CRTAC1: variants seen among roughly 807,000 people sequenced by gnomAD.
CRTAC1 encodes the protein cartilage acidic protein 1.
A neutral mutation model predicts 67.8 loss-of-function variants in CRTAC1; 37 were observed. The ratio of observed to expected loss-of-function variants is 0.55; its 90% CI spans 0.42 to 0.72. CRTAC1 has a LOEUF of 0.72. Among genes scored for constraint, CRTAC1 ranks in the 30% least tolerant of loss-of-function variants. The pLI is 0.00. For missense variants in CRTAC1, 780 were observed against 931.6 expected (o/e 0.84, Z 2.12); for synonymous variants, 348 against 371.0 (o/e 0.94, Z 0.71).
intron 4 of CRTAC1, among the ~76,000 whole-genome samples, chr10:97,922,157 A>C (rs1224112721): frequency 1.3e-5 from 2 of 152,032 alleles, no homozygotes; most frequent in Non-Finnish European, 2.9e-5. Flanking sequence ...GCTCCACCCC[A>C]CACTCTGGGG....
chr10:97,987,977 T>C (rs1156433408), intron 2 of CRTAC1, among the ~76,000 whole-genome samples: 3 of 152,178 alleles, frequency 2.0e-5, no homozygotes, highest in African/African-American at 7.2e-5. Flanking sequence ...TTCTCTCTGG[T>C]GGTCAGGCTG....
chr10:97,912,058 T>C (rs1387221875), intron 5 of CRTAC1, among the ~76,000 whole-genome samples: 4 of 152,116 alleles, frequency 2.6e-5, no homozygotes, highest in Non-Finnish European at 5.9e-5. Context: ...GACCTTGGGC[T>C]CATCACTGAA....
intron 2 of CRTAC1, among the ~76,000 whole-genome samples, chr10:97,958,223 C>A (rs2051471807): frequency 6.6e-6 from 1 of 152,184 alleles, no homozygotes; most frequent in South Asian, 2.1e-4. Context: ...GTGAAGGAAG[C>A]AGTTTAAAAA....
chr10:97,953,037 A>C (rs1315770945), intron 2 of CRTAC1, among the ~76,000 whole-genome samples: 1 of 151,950 alleles, frequency 6.6e-6, no homozygotes, highest in Non-Finnish European at 1.5e-5. Context: ...TGCCTCTGCC[A>C]CTCTAGCATC....
At chr10:97,912,908 G>T (rs922487599) in intron 5 of CRTAC1, among the ~76,000 whole-genome samples, 3 of 152,228 alleles carry the variant, frequency 2.0e-5, no homozygotes, top group African/African-American at 4.8e-5. Flanking sequence ...GTTGGGGGCT[G>T]ATTCCTGTGC....
At chr10:98,015,802 T>G (rs1232474279) in intron 1 of CRTAC1, among the ~76,000 whole-genome samples, 1 of 152,178 alleles carries the variant, frequency 6.6e-6, no homozygotes, top group Non-Finnish European at 1.5e-5. Flanking sequence ...AGCACAAGAT[T>G]CTATATTTCT....
intron 2 of CRTAC1, among the ~76,000 whole-genome samples, chr10:97,982,314 A>G (rs1407464647): frequency 1.3e-5 from 2 of 152,216 alleles, no homozygotes; most frequent in African/African-American, 4.8e-5. Context: ...CACAAAGTCA[A>G]ACAAGGTTGG....
intron 2 of CRTAC1, among the ~76,000 whole-genome samples, chr10:97,987,162 C>T (rs1002363626): frequency 7.9e-5 from 12 of 152,184 alleles, no homozygotes; most frequent in African/African-American, 2.9e-4. Flanking sequence ...GTTGTATATA[C>T]AGCCTTATGA....
chr10:97,977,033 C>G (rs2051816480), intron 2 of CRTAC1, among the ~76,000 whole-genome samples: 2 of 152,212 alleles, frequency 1.3e-5, no homozygotes, highest in African/African-American at 4.8e-5. Context: ...GCTGGACCTT[C>G]AAGATGTCAC....
intron 2 of CRTAC1, among the ~76,000 whole-genome samples, chr10:98,008,454 T>C (rs905215730): frequency 2.0e-5 from 3 of 151,528 alleles, no homozygotes; most frequent in African/African-American, 7.3e-5. Context: ...ACGGGTCTCC[T>C]GCAACAGCCA....
chr10:97,876,943 CT>C (rs2050154291), intron 14 of CRTAC1, among the ~76,000 whole-genome samples: 1 of 96,024 alleles, frequency 1.0e-5, no homozygotes, highest in Non-Finnish European at 2.0e-5. Context: ...TGAGGAGGCT[CT>C]GTTTTTTTTT....
chr10:97,901,433 C>G, intron 8 of CRTAC1, 70 bp downstream of exon 8: 1 of 1,599,832 alleles, frequency 6.3e-7, no homozygotes, highest in Non-Finnish European at 8.5e-7. Flanking sequence ...GATTCTTAAA[C>G]CTTCTCCCTG....
Position 97,909,805 on chromosome 10 carries a change from C to G in CRTAC1, c.716-1658G>C, listed in dbSNP as rs142167900. Among the ~76,000 whole-genome samples the G allele has an allele frequency of 4.7e-4, 72 of 152,186 alleles. 2 individuals carry two copies. The East Asian group carries it at 0.014, about 29-fold the overall frequency. ...ATAGCCAAGATATGGAATGAAGATA[C>G]GAAGTGTCCATCAATGGATGAATAC... On this transcript the variant is annotated intron_variant, in intron 5 of 14. Coordinates refer to ENST00000370597, the MANE Select transcript of CRTAC1 (RefSeq NM_018058.7).
At chr10:97,984,403 A>G (rs1230933253) in intron 2 of CRTAC1, among the ~76,000 whole-genome samples, 1 of 152,242 alleles carries the variant, frequency 6.6e-6, no homozygotes, top group Non-Finnish European at 1.5e-5. Context: ...GCCTCTCTTG[A>G]GAATTTTCTG....
At chr10:97,881,900 C>A (rs1033882031) in intron 13 of CRTAC1, among the ~76,000 whole-genome samples, 4 of 152,134 alleles carry the variant, frequency 2.6e-5, no homozygotes, top group African/African-American at 9.7e-5. Context: ...TTCTCTAGGG[C>A]ACCTTCTAGG....
chr10:97,916,729 G>A (rs1191603504), intron 5 of CRTAC1, among the ~76,000 whole-genome samples: 1 of 152,176 alleles, frequency 6.6e-6, no homozygotes, highest in East Asian at 1.9e-4. Flanking sequence ...GTATGAATGT[G>A]GCTTAAGTTC....
At position 97,895,800 on chromosome 10, in the gene CRTAC1, G is replaced by GCAC. The variant is rs2050449060; in HGVS notation, c.1317+82_1317+84dup. ...ATTACCCACCATGCTGGCCAAGCCA[G>GCAC]CACCCCGGCACCTTGCCCTCACCAA... is the stretch of plus-strand genomic sequence containing the variant. On this transcript the variant is annotated intron_variant, in intron 10 of 14. Coordinates refer to ENST00000370597, the MANE Select transcript of CRTAC1 (RefSeq NM_018058.7). The surrounding 1 kb of genome is among the most constrained non-coding windows in gnomAD (Gnocchi z 4.2). 3.5e-6 allele frequency: 4 copies of GCAC among 1,148,346 alleles called. No individual in the cohort carries two copies. The highest frequency in any genetic ancestry group is 3.8e-6 in the Non-Finnish European group (3 of 783,274). The allele number at this position is 1,148,346 out of a possible 1,614,324, so 71.1% of individuals were successfully genotyped here.
chr10:97,896,543 G>C (rs1424648447), intron 9 of CRTAC1, among the ~76,000 whole-genome samples: 2 of 152,126 alleles, frequency 1.3e-5, no homozygotes, highest in East Asian at 3.9e-4. Context: ...GCCAAGAGGG[G>C]AGGGGTCAGA....
rs565070555 is a variant in CRTAC1 at position 97,990,105 on chromosome 10, T to C, written c.224+21033A>G. Among the ~76,000 whole-genome samples the C allele has an allele frequency of 5.3e-5, 8 of 152,362 alleles. No homozygotes were observed. The East Asian group carries it at 1.5e-3, about 29-fold the overall frequency. ...CTTTTAATGTTAAAGAATCTCCATATAATGGTAGCTGTACTAGCATCTATT... is the reference window on the plus strand; with the variant it reads ...CTTTTAATGTTAAAGAATCTCCATACAATGGTAGCTGTACTAGCATCTATT... On this transcript the variant is annotated intron_variant, in intron 2 of 14. Coordinates refer to ENST00000370597, the MANE Select transcript of CRTAC1 (RefSeq NM_018058.7).
Sources: gnomAD v4.1 joint callset for allele counts (sites outside exome capture counted in the v4.1 genomes callset) on GRCh38, gnomAD v4.1.1 for gene constraint, Gnocchi (gnomAD v3.1) non-coding constraint, MANE v1.5 for transcripts, NCBI Gene and HGNC (gene_info 2026-07-23, HGNC 2026-07-21) for gene names.